Variants in CHTF18 observed in about 807,000 individuals in gnomAD.
The protein encoded by CHTF18 is chromosome transmission fidelity protein 18 homolog.
In CHTF18, 151 loss-of-function variants were observed where a neutral mutation model predicts 113.4. The observed-to-expected ratio is 1.33, with a 90% CI of 1.17 to 1.52. CHTF18 has a LOEUF of 1.52. CHTF18 is among the 40% of genes most tolerant of loss of function. The pLI, the probability that CHTF18 is intolerant of heterozygous loss-of-function variation, is 0.00. For synonymous variants in CHTF18, 916 were observed against 598.8 expected, an observed-to-expected ratio of 1.53 and a Z score of -7.74; for missense variants, 1,982 against 1,381.6, an observed-to-expected ratio of 1.43 and a Z score of -6.89.
At position 791,389 on chromosome 16, in the gene CHTF18, G is replaced by A. The variant is rs755710461; in HGVS notation, c.1104+19G>A. ...GCAGAAGGTGAGCCCCGCTGGCTGT[G>A]CCGCCGGGAACAAGCCTGAGGCTTT... On this transcript the variant is annotated intron_variant, in intron 8 of 21. Coordinates refer to ENST00000262315, the MANE Select transcript of CHTF18 (RefSeq NM_022092.3). 33 of 1,582,368 alleles carry A rather than the reference G, an allele frequency of 2.1e-5. No individual in the cohort carries two copies. Among genetic ancestry groups the A allele is most frequent in the Non-Finnish European group, 2.7e-5 (31 of 1,168,122 alleles).
Position 798,072 on chromosome 16 carries a change from T to C in CHTF18, c.*97T>C, listed in dbSNP as rs1177390785. 1.4e-6 allele frequency: 2 copies of C among 1,467,622 alleles called. No individual in the cohort carries two copies. Among genetic ancestry groups the C allele is most frequent in the African/African-American group, 1.4e-5 (1 of 72,088 alleles). The allele number at this position is 1,467,622 out of a possible 1,614,324, so 90.9% of individuals were successfully genotyped here. On this transcript the variant is annotated 3_prime_UTR_variant, in exon 22 of 22. Transcript: ENST00000262315. Reference sequence around the variant, plus strand: ...TATAAAGTCACACCTTTACAGACTGTAATCACGTGCGAGTGGAGTGGGGTT... The same window carrying C: ...TATAAAGTCACACCTTTACAGACTGCAATCACGTGCGAGTGGAGTGGGGTT...
rs1208897599 is a variant in CHTF18, at chr16:796,861, G to C, written c.2601G>C (p.Gln867His). Residue 867 changes from glutamine (Q) to histidine (H), a missense_variant and splice_region_variant, in exon 19 of 22, where the codon CAG (glutamine) becomes CAC (histidine). By Grantham distance (24) the Gln-to-His change is conservative. Coordinates refer to ENST00000262315, the MANE Select transcript of CHTF18 (RefSeq NM_022092.3). ...CTGCCCGGGTAGAGAACAGCCCCCAGGTGAGCCCACCCAGGCTCTGGAGCA... is the reference window on the plus strand; with the variant it reads ...CTGCCCGGGTAGAGAACAGCCCCCACGTGAGCCCACCCAGGCTCTGGAGCA... ...EASARVENSP[Q>H]VDGSPPGLEG... is the part of the protein sequence containing the mutation. 6.3e-7 allele frequency: 1 copy of C among 1,594,402 alleles called. No individual in the cohort carries two copies. Among genetic ancestry groups the C allele is most frequent in the Admixed American group, 1.7e-5 (1 of 58,456 alleles).
chr16:788,992 G>A lies in CHTF18; in HGVS notation c.153G>A (p.Thr51=). 1 of 1,561,712 alleles carries A rather than the reference G, an allele frequency of 6.4e-7. No individual in the cohort carries two copies. Among genetic ancestry groups the A allele is most frequent in the Non-Finnish European group, 8.6e-7 (1 of 1,159,776 alleles). The change falls in exon 2 of 22, where the codon ACG becomes ACA. Residue 51 remains threonine (T), a synonymous_variant. Transcript: ENST00000262315. ...PLFTAGRPPR[T]FEEALARGDA... is the part of the protein sequence containing the mutation. ...TCACCGCGGGCCGACCCCCGCGGACGTTCGAGGAGGCCCTTGCCAGAGGGG... is the reference window on the plus strand; with the variant it reads ...TCACCGCGGGCCGACCCCCGCGGACATTCGAGGAGGCCCTTGCCAGAGGGG...
At chr16:795,405 C>A (rs780664900) in intron 16 of CHTF18, 49 bp downstream of exon 16, 9 of 1,458,378 alleles carry the variant, frequency 6.2e-6, no homozygotes, top group Non-Finnish European at 8.3e-6. Context: ...TGCCCGCCCC[C>A]CTGTGCTGCC....
rs1446754753 is a variant in CHTF18 at position 797,904 on chromosome 16, G to T, written c.2857G>T (p.Val953Phe). ...RMGTAVGRSE[V>F]WFRFNEGVSN... ...GGGCACAGCGGTGGGCAGGAGCGAG[G>T]TCTGGTTCCGCTTCAACGAGGGTGT... is the stretch of plus-strand genomic sequence containing the variant. The change falls in exon 22 of 22, where the codon GTC (valine) becomes TTC (phenylalanine). Residue 953 changes from valine to phenylalanine, a missense_variant. Physicochemically the swap from Val to Phe is conservative, Grantham distance 50. Coordinates refer to ENST00000262315, the MANE Select transcript of CHTF18 (RefSeq NM_022092.3). 6.2e-7 allele frequency: 1 copy of T among 1,611,914 alleles called. No individual in the cohort carries two copies. Among genetic ancestry groups the T allele is most frequent in the East Asian group, 2.2e-5 (1 of 44,868 alleles).
In CHTF18 at chr16:795,985, G is replaced by C. The variant is rs201005922; in HGVS notation, c.2364G>C (p.Gln788His). Residue 788 changes from glutamine (Q) to histidine (H), a missense_variant, in exon 18 of 22, where the codon CAG becomes CAC. By Grantham distance (24) the Gln-to-His change is conservative. Transcript: ENST00000262315. ...TGTACAGCACCCGTGAAAAGCAACA[G>C]CTGGCCAGCCTGGTGGGCACGATGC... is the stretch of plus-strand genomic sequence containing the variant. Reference protein sequence around the residue: ...TQLYSTREKQQLASLVGTMLA... With the variant: ...TQLYSTREKQHLASLVGTMLA... 631 of 1,609,026 alleles carry C rather than the reference G, an allele frequency of 3.9e-4. No individual in the cohort carries two copies. The highest frequency in any genetic ancestry group is 4.9e-4 in the Middle Eastern group (3 of 6,078).
Position 789,603 on chromosome 16 carries a change from A to T in CHTF18, c.494A>T (p.Asn165Ile), listed in dbSNP as rs1311207228. The T allele has an allele frequency of 4.4e-6, 7 of 1,608,092 alleles. No homozygotes were observed. The highest frequency in any genetic ancestry group is 5.9e-6 in the Non-Finnish European group (7 of 1,179,244). ...ACACGGGCCTCACCAGCTGCCCGCAATCCCGTCCTGAGGCGGCCCCCCATC... is the reference window on the plus strand; with the variant it reads ...ACACGGGCCTCACCAGCTGCCCGCATTCCCGTCCTGAGGCGGCCCCCCATC... Reference protein sequence around the residue: ...GLTRASPAARNPVLRRPPILE... With the variant: ...GLTRASPAARIPVLRRPPILE... The change falls in exon 4 of 22, where the codon AAT becomes ATT. Residue 165 changes from asparagine (N) to isoleucine (I), a missense_variant. Asn to Ile is a moderately radical substitution (Grantham distance 149). Transcript: ENST00000262315.
chr16:792,939 G>C (rs1458583320), intron 12 of CHTF18, 27 bp from the exon 13 acceptor site: 1 of 1,547,276 alleles, frequency 6.5e-7, no homozygotes, highest in Admixed American at 2.0e-5. Context: ...CATACCATCG[G>C]GCCCTCCAGC....
In CHTF18 at chr16:790,575, A is replaced by T. The variant is rs368083980; in HGVS notation, c.803A>T (p.Glu268Val). ...GCCCAGCCCTTGGGGGCCCCTGAGGAGGAGCCGACTGACGGTCAAGACGCC... is the reference window on the plus strand; with the variant it reads ...GCCCAGCCCTTGGGGGCCCCTGAGGTGGAGCCGACTGACGGTCAAGACGCC... ...EAAQPLGAPEEEPTDGQDASS... is the reference protein window; with the variant it reads ...EAAQPLGAPEVEPTDGQDASS... The change falls in exon 7 of 22, where the codon GAG becomes GTG. Residue 268 changes from glutamate to valine, a missense_variant. Transcript: ENST00000262315. 6.3e-7 allele frequency: 1 copy of T among 1,596,902 alleles called. No individual in the cohort carries two copies. Among genetic ancestry groups the T allele is most frequent in the Non-Finnish European group, 8.5e-7 (1 of 1,172,826 alleles).
In CHTF18 at chr16:797,106, A is replaced by C. The variant is rs776685799; in HGVS notation, c.2733+14A>C. On this transcript the variant is annotated intron_variant, in intron 20 of 21. Coordinates refer to ENST00000262315, the MANE Select transcript of CHTF18 (RefSeq NM_022092.3). ...CGGGAGGAACAGGTGTGGAATGGGC[A>C]GCTGTGGGGGTGGGACCAGGGTACA... The C allele has an allele frequency of 6.7e-7, 1 of 1,499,948 alleles. No individual in the cohort carries two copies. The highest frequency in any genetic ancestry group is 2.2e-5 in the Admixed American group (1 of 44,634). The allele number at this position is 1,499,948 out of a possible 1,614,324, so 92.9% of individuals were successfully genotyped here. A position where few individuals can be genotyped will look rare whatever the true frequency, so the allele number is the denominator to read the frequency against.
intron 20 of CHTF18, 123 bp from the exon 21 acceptor site, chr16:797,571 C>T (rs561479826): frequency 7.2e-5 from 75 of 1,043,430 alleles, no homozygotes; most frequent in Admixed American, 2.2e-4. Context: ...GGCCAGGTTC[C>T]GAAAGGTGTC....
rs193266504 is a variant in CHTF18 at position 790,414 on chromosome 16, C to T, written c.752+15C>T. 58 of 1,612,316 alleles carry T rather than the reference C, an allele frequency of 3.6e-5. No individual in the cohort carries two copies. The African/African-American group carries it at 4.8e-4, about 13-fold the overall frequency. On this transcript the variant is annotated intron_variant, in intron 6 of 21. Transcript: ENST00000262315. Reference sequence around the variant, plus strand: ...ACCCTGCACAGGTGACTTGGTTGGCCCTTCCGCCCTGGGGACCCTTGTTGG... The same window carrying T: ...ACCCTGCACAGGTGACTTGGTTGGCTCTTCCGCCCTGGGGACCCTTGTTGG...
rs922044139 is a variant in CHTF18, at chr16:795,997, G to C, written c.2376G>C (p.Leu792=). ...STREKQQLAS[L]VGTMLAYSLT... is the part of the protein sequence containing the mutation. ...GTGAAAAGCAACAGCTGGCCAGCCT[G>C]GTGGGCACGATGCTCGCTTACAGCC... Residue 792 remains leucine, a synonymous_variant, in exon 18 of 22, where the codon CTG becomes CTC. Coordinates refer to ENST00000262315, the MANE Select transcript of CHTF18 (RefSeq NM_022092.3). The C allele has an allele frequency of 6.2e-7, 1 of 1,608,476 alleles. No individual in the cohort carries two copies. Among genetic ancestry groups the C allele is most frequent in the Non-Finnish European group, 8.5e-7 (1 of 1,178,082 alleles).
At chr16:797,608 T>C (rs1013951918) in intron 20 of CHTF18, 86 bp from the exon 21 acceptor site, 47 of 1,461,140 alleles carry the variant, frequency 3.2e-5, no homozygotes, top group East Asian at 2.5e-4. Context: ...CCCTCCTCCC[T>C]GGGAAGGCTC....
chr16:793,037 C>T lies in CHTF18; in HGVS notation c.1644C>T (p.Asp548=), dbSNP rs1000815086. 9 of 1,507,814 alleles carry T rather than the reference C, an allele frequency of 6.0e-6. No homozygotes were observed. Among genetic ancestry groups the T allele is most frequent in the African/African-American group, 4.1e-5 (3 of 72,532 alleles). 93.4% of individuals were successfully genotyped at this position (1,507,814 alleles called of 1,614,324 possible). The part of the protein sequence containing the change: ...LAALCEKTDN[D]IRACINTLQF... ...CCCTCTGTGAGAAAACTGACAATGA[C>T]ATCCGGGCCTGCATCAACACCCTGC... Residue 548 remains aspartate (D), a synonymous_variant, in exon 13 of 22, where the codon GAC becomes GAT. Transcript: ENST00000262315.
chr16:789,935 C>T (rs376712710), intron 4 of CHTF18: 63 of 1,491,390 alleles, frequency 4.2e-5, no homozygotes, highest in East Asian at 3.6e-4. Context: ...GTGGAGAGGG[C>T]CTCCTTGCTT....
chr16:790,592 C>T lies in CHTF18; in HGVS notation c.820C>T (p.Gln274Ter). 5.0e-6 allele frequency: 8 copies of T among 1,597,260 alleles called. No homozygotes were observed. Among genetic ancestry groups the T allele is most frequent in the Non-Finnish European group, 6.8e-6 (8 of 1,173,008 alleles). Residue 274 changes from glutamine to a stop codon, truncating the protein, a stop_gained, in exon 7 of 22, where the codon CAA (glutamine) becomes TAA (stop). Coordinates refer to ENST00000262315, the MANE Select transcript of CHTF18 (RefSeq NM_022092.3). LOFTEE classifies it high-confidence loss of function. ...CCCTGAGGAGGAGCCGACTGACGGT[C>T]AAGACGCCTCCAGTCACTGCCTCTG... ...GAPEEEPTDG[Q>*]DASSHCLWVD...
chr16:794,687 G>A lies in CHTF18; in HGVS notation c.1951-445G>A, dbSNP rs895751240. The A allele has an allele frequency of 1.8e-5, 4 of 228,116 alleles. No homozygotes were observed. The South Asian group carries it at 2.4e-4, about 14-fold the overall frequency. The allele number at this position is 228,116 out of a possible 1,614,324, so 14.1% of individuals were successfully genotyped here. The stretch of plus-strand genomic sequence containing the variant: ...CCAATCCCCAAATCCCAAAAGCCGC[G>A]ATGTGGAGGGGCAGCGTGGAGCAGC... On this transcript the variant is annotated intron_variant, in intron 15 of 21. Transcript: ENST00000262315.
At chr16:790,738 A>G in intron 7 of CHTF18, 72 bp downstream of exon 7, 1 of 1,456,548 alleles carries the variant, frequency 6.9e-7, no homozygotes, top group East Asian at 2.4e-5. Flanking sequence ...GGGCCCAGTG[A>G]TTTTTGCACA....
Sources: allele counts gnomAD v4.1 joint callset, GRCh38; gene constraint gnomAD v4.1.1; transcripts MANE v1.5; gene names NCBI Gene and HGNC (gene_info 2026-07-23, HGNC 2026-07-21).